Variants in LEMD1 observed in about 807,000 individuals in gnomAD.
The protein encoded by LEMD1 is LEM domain-containing protein 1.
A neutral mutation model predicts 17.4 loss-of-function variants in LEMD1; 18 were observed. The observed-to-expected ratio is 1.04, with a 90% CI of 0.72 to 1.54. The LOEUF (loss-of-function observed/expected upper bound fraction) is 1.54, where lower values mean the gene tolerates loss of function less well. Ranked by LOEUF, LEMD1 falls within the 40% of genes most tolerant of loss-of-function variation. The pLI, the probability that LEMD1 is intolerant of heterozygous loss-of-function variation, is 0.00. For missense variants in LEMD1, 195 were observed against 210.4 expected, an observed-to-expected ratio of 0.93 and a Z score of 0.45; for synonymous variants, 88 against 77.8, an observed-to-expected ratio of 1.13 and a Z score of -0.69.
At chr1:205,391,923 C>T (rs149276297) in intron 4 of LEMD1, among the ~76,000 whole-genome samples, 1,991 of 145,698 alleles carry the variant, frequency 0.014, 52 homozygotes, top group African/African-American at 0.048. Context: ...ACCTGGCCAA[C>T]GTGGTGAAAC....
intron 4 of LEMD1, among the ~76,000 whole-genome samples, chr1:205,399,133 C>A (rs971055598): frequency 2.6e-5 from 4 of 151,364 alleles, no homozygotes; most frequent in African/African-American, 9.7e-5. Context: ...GAGAATTACT[C>A]GAATCCAGGA....
At chr1:205,443,742 G>A (rs975425810) in intron 1 of LEMD1, among the ~76,000 whole-genome samples, 6 of 152,216 alleles carry the variant, frequency 3.9e-5, no homozygotes, top group Admixed American at 2.0e-4. Context: ...TCCATGCCCC[G>A]GAGGCTGCCT....
chr1:205,409,532 T>G (rs550912814), intron 4 of LEMD1, among the ~76,000 whole-genome samples: 1 of 152,132 alleles, frequency 6.6e-6, no homozygotes, highest in South Asian at 2.1e-4. Flanking sequence ...AACTAAGACA[T>G]AGAGAGGTTG....
At chr1:205,392,961 T>C (rs2102360241) in intron 4 of LEMD1, among the ~76,000 whole-genome samples, 1 of 152,244 alleles carries the variant, frequency 6.6e-6, no homozygotes, top group Admixed American at 6.5e-5. Flanking sequence ...ATCAAGAAAG[T>C]AGCCGGGCAT....
chr1:205,393,172 C>G (rs1338311049), intron 4 of LEMD1, among the ~76,000 whole-genome samples: 2 of 151,814 alleles, frequency 1.3e-5, no homozygotes, highest in African/African-American at 2.4e-5. Flanking sequence ...AAAAGAAAAC[C>G]CAGTCTAAAG....
upstream of LEMD1, among the ~76,000 whole-genome samples, chr1:205,426,908 G>C (rs937374535): frequency 2.0e-4 from 31 of 152,136 alleles, no homozygotes; most frequent in African/African-American, 7.0e-4. Flanking sequence ...GAGACCAAGT[G>C]TGTCCCTCAC....
chr1:205,389,048 T>TTC, intron 4 of LEMD1, among the ~76,000 whole-genome samples: 1 of 78,564 alleles, frequency 1.3e-5, no homozygotes, highest in Non-Finnish European at 2.6e-5. Context: ...TTTTTTTTTT[T>TTC]TTTTTTTTTT....
intron 4 of LEMD1, among the ~76,000 whole-genome samples, chr1:205,392,422 G>C (rs1664387240): frequency 6.6e-6 from 1 of 151,174 alleles, no homozygotes; most frequent in African/African-American, 2.4e-5. Flanking sequence ...TGTGCCTGTA[G>C]TCCCAGCTAC....
intron 1 of LEMD1, chr1:205,449,849 G>A (rs1221693776): frequency 6.6e-6 from 1 of 152,476 alleles, no homozygotes; most frequent in Non-Finnish European, 1.5e-5. Context: ...AGGGGCTGGG[G>A]GTCCCAGGGG....
At chr1:205,416,373 G>T in intron 3 of LEMD1, 77 bp from the exon 4 acceptor site, 1 of 967,376 alleles carries the variant, frequency 1.0e-6, no homozygotes. Context: ...TCAATCACCA[G>T]GGTGAATTCT....
At position 205,381,823 on chromosome 1, in the gene LEMD1, T is replaced by G; in HGVS notation, c.381A>C (p.Thr127=). ...CTCTCTCTTTGGTGATAGTCCCATATGTGATTCTGGTGCTTGGTGCTCTTG... is the reference window on the plus strand; with the variant it reads ...CTCTCTCTTTGGTGATAGTCCCATAGGTGATTCTGGTGCTTGGTGCTCTTG... ...WAARAPSTRI[T]YGTITKERDY... The change falls in exon 6 of 6, where the codon ACA becomes ACC. Residue 127 remains threonine, a synonymous_variant. Transcript: ENST00000367153. 6.2e-7 allele frequency: 1 copy of G among 1,614,138 alleles called. No individual in the cohort carries two copies. Among genetic ancestry groups the G allele is most frequent in the Non-Finnish European group, 8.5e-7 (1 of 1,180,012 alleles).
At chr1:205,382,005 CT>C (rs1272933244) in intron 5 of LEMD1, 149 bp from the exon 6 acceptor site, 65 of 666,796 alleles carry the variant, frequency 9.7e-5, no homozygotes, top group Middle Eastern at 4.2e-4. Flanking sequence ...AGGCTAATTT[CT>C]TTTTTTTTCT....
intron 4 of LEMD1, among the ~76,000 whole-genome samples, chr1:205,414,757 G>A (rs1001037796): frequency 6.6e-6 from 1 of 152,112 alleles, no homozygotes; most frequent in Non-Finnish European, 1.5e-5. Context: ...GTGTGGTGGA[G>A]TGTACCTGTA....
intron 1 of LEMD1, 50 bp downstream of exon 1, chr1:205,421,940 T>A (rs894545489): frequency 6.6e-6 from 1 of 152,168 alleles, no homozygotes; most frequent in Non-Finnish European, 1.5e-5. Context: ...AACACACATA[T>A]GGAAGAAAAA....
chr1:205,408,922 T>C (rs572904558), intron 4 of LEMD1, among the ~76,000 whole-genome samples: 1 of 152,064 alleles, frequency 6.6e-6, no homozygotes, highest in Non-Finnish European at 1.5e-5. Flanking sequence ...TGGCATGATC[T>C]GAGATCCTGG....
intron 5 of LEMD1, among the ~76,000 whole-genome samples, chr1:205,382,524 A>T (rs762542587): frequency 2.6e-5 from 4 of 152,046 alleles, no homozygotes; most frequent in Non-Finnish European, 5.9e-5. Context: ...CAGCCTCCCA[A>T]AGTGCTGGGA....
At chr1:205,390,597 C>T (rs1446385976) in intron 4 of LEMD1, among the ~76,000 whole-genome samples, 1 of 152,126 alleles carries the variant, frequency 6.6e-6, no homozygotes, top group Non-Finnish European at 1.5e-5. Context: ...ACAAACCAGG[C>T]TACAAAATAA....
At chr1:205,445,354 G>A (rs919747613) in intron 1 of LEMD1, among the ~76,000 whole-genome samples, 3 of 152,206 alleles carry the variant, frequency 2.0e-5, no homozygotes, top group Non-Finnish European at 4.4e-5. Context: ...ACTTCTTCCC[G>A]GAGTTGGCAC....
upstream of LEMD1, among the ~76,000 whole-genome samples, chr1:205,426,558 T>G (rs748998285): frequency 9.9e-5 from 15 of 152,092 alleles, no homozygotes; most frequent in Non-Finnish European, 1.9e-4. Flanking sequence ...AAGTAAGGTC[T>G]GGATTGGCAG....
Sources: gnomAD v4.1 joint callset for allele counts (sites outside exome capture counted in the v4.1 genomes callset) on GRCh38, gnomAD v4.1.1 for gene constraint, MANE v1.5 for transcripts, NCBI Gene and HGNC (gene_info 2026-07-23, HGNC 2026-07-21) for gene names.